The following KCNMA1 variants were observed in gnomAD, a reference collection of about 807,000 sequenced individuals.
The protein encoded by KCNMA1 is potassium calcium-activated channel subfamily M alpha 1.
A neutral mutation model predicts 140.0 loss-of-function variants in KCNMA1; 29 were observed. The ratio of observed to expected loss-of-function variants is 0.21; its 90% CI spans 0.15 to 0.28. KCNMA1 has a LOEUF of 0.28. KCNMA1 is among the 10% of genes least tolerant of loss of function. KCNMA1 has a pLI of 1.00. For synonymous variants in KCNMA1, 612 were observed against 611.9 expected (o/e 1.00, Z 0.00); for missense variants, 880 against 1,602.2 (o/e 0.55, Z 7.70).
intron 23 of KCNMA1, among the ~76,000 whole-genome samples, chr10:76,940,114 CCTG>C (rs2152812396): frequency 6.6e-6 from 1 of 152,306 alleles, no homozygotes; most frequent in South Asian, 2.1e-4. Flanking sequence ...TGCAGTTTTG[CCTG>C]CTGTATATTA....
At chr10:77,112,298 T>TA in intron 7 of KCNMA1, 69 bp downstream of exon 7, 2 of 1,080,086 alleles carry the variant, frequency 1.9e-6, no homozygotes. Context: ...AAATTTTAGG[T>TA]AATAAAATGA....
intron 20 of KCNMA1, among the ~76,000 whole-genome samples, chr10:76,955,200 T>C (rs2067753284): frequency 6.8e-6 from 1 of 146,938 alleles, no homozygotes; most frequent in African/African-American, 2.5e-5. Context: ...CTTTTTTCTT[T>C]TTTTTTTTTT....
intron 1 of KCNMA1, among the ~76,000 whole-genome samples, chr10:77,533,035 G>A (rs2058056398): frequency 6.6e-6 from 1 of 152,162 alleles, no homozygotes; most frequent in Non-Finnish European, 1.5e-5. Flanking sequence ...CCCTGCAATA[G>A]TAGAAGCTCT....
At position 77,126,522 on chromosome 10, in the gene KCNMA1, A is replaced by G. The variant is rs1385221737; in HGVS notation, c.809-5474T>C. Among the ~76,000 whole-genome samples, 3 of 152,228 alleles carry G rather than the reference A, an allele frequency of 2.0e-5. No homozygotes were observed. The East Asian group carries it at 5.8e-4, about 29-fold the overall frequency. On this transcript the variant is annotated intron_variant, in intron 5 of 27. Transcript: ENST00000286628. ...GGTATCATATCCAAGACTGCATTAA[A>G]TGAATAAAAGACATGAGCTATAGCA...
chr10:77,494,535 T>C (rs1294855591), intron 1 of KCNMA1, among the ~76,000 whole-genome samples: 1 of 152,234 alleles, frequency 6.6e-6, no homozygotes, highest in Non-Finnish European at 1.5e-5. Flanking sequence ...CTCACAGAGC[T>C]GTCTGGATTC....
intron 1 of KCNMA1, among the ~76,000 whole-genome samples, chr10:77,496,596 CAAAAAAAAAA>C (rs201304328): frequency 2.7e-4 from 17 of 63,016 alleles, no homozygotes; most frequent in East Asian, 2.2e-3. Context: ...GACACTGTCT[CAAAAAAAAAA>C]AAAAAAAAAA....
At chr10:77,160,265 C>A (rs182562748) in intron 5 of KCNMA1, among the ~76,000 whole-genome samples, 3 of 152,180 alleles carry the variant, frequency 2.0e-5, no homozygotes, top group Non-Finnish European at 4.4e-5. Flanking sequence ...CACTTCCTGG[C>A]TCCCCAAAGA....
intron 17 of KCNMA1, among the ~76,000 whole-genome samples, chr10:77,017,726 T>C (rs2092320969): frequency 6.6e-6 from 1 of 152,186 alleles, no homozygotes; most frequent in Non-Finnish European, 1.5e-5. Flanking sequence ...AGGCTTAACC[T>C]AGGCAAATAA....
intron 1 of KCNMA1, among the ~76,000 whole-genome samples, chr10:77,631,986 T>G (rs1364671968): frequency 6.6e-6 from 1 of 152,186 alleles, no homozygotes; most frequent in Non-Finnish European, 1.5e-5. Context: ...AGACCTCAAT[T>G]TGCAGGTGAG....
intron 3 of KCNMA1, among the ~76,000 whole-genome samples, chr10:77,198,021 T>C (rs2041169838): frequency 6.6e-6 from 1 of 152,188 alleles, no homozygotes; most frequent in African/African-American, 2.4e-5. Flanking sequence ...TGAAATGGCT[T>C]CCCTGGCCAT....
intron 1 of KCNMA1, chr10:77,634,476 G>A (rs1266194691): frequency 1.0e-6 from 1 of 985,280 alleles, no homozygotes; most frequent in African/African-American, 1.7e-5. Context: ...GATCAAAAAG[G>A]TTTGGTGCGA....
At chr10:77,025,140 T>G (rs1463667937) in intron 16 of KCNMA1, among the ~76,000 whole-genome samples, 1 of 150,732 alleles carries the variant, frequency 6.6e-6, no homozygotes, top group Non-Finnish European at 1.5e-5. Context: ...TTAGGTTTCC[T>G]GCAAAGAAGT....
intron 2 of KCNMA1, among the ~76,000 whole-genome samples, chr10:77,388,712 T>C (rs998274507): frequency 6.6e-6 from 1 of 152,226 alleles, no homozygotes; most frequent in Admixed American, 6.5e-5. Context: ...CCAGAGGCTG[T>C]TTCTGAGAGT....
intron 17 of KCNMA1, among the ~76,000 whole-genome samples, chr10:77,015,231 G>T (rs1288473659): frequency 1.3e-5 from 2 of 152,138 alleles, no homozygotes; most frequent in African/African-American, 4.8e-5. Context: ...GTCAGCAGGA[G>T]ACTAGGGTGA....
At chr10:77,069,613 A>G (rs2096110065) in intron 14 of KCNMA1, among the ~76,000 whole-genome samples, 1 of 152,198 alleles carries the variant, frequency 6.6e-6, no homozygotes. Context: ...AAAATATAAA[A>G]AAGATTCCTA....
chr10:77,421,905 T>C (rs2096874411), intron 1 of KCNMA1, among the ~76,000 whole-genome samples: 1 of 152,202 alleles, frequency 6.6e-6, no homozygotes, highest in Admixed American at 6.5e-5. Flanking sequence ...GAGCCATGTT[T>C]CCCAGTGTAA....
At chr10:77,283,393 C>T (rs1037294317) in intron 2 of KCNMA1, among the ~76,000 whole-genome samples, 1 of 152,196 alleles carries the variant, frequency 6.6e-6, no homozygotes, top group Admixed American at 6.5e-5. Flanking sequence ...TTGCAGCTGG[C>T]TGTCCTGCAG....
At chr10:77,313,125 G>T (rs946112400) in intron 2 of KCNMA1, among the ~76,000 whole-genome samples, 2 of 152,132 alleles carry the variant, frequency 1.3e-5, no homozygotes, top group African/African-American at 4.8e-5. Context: ...CTCCGCGTTG[G>T]TCTGTGATGG....
chr10:76,945,817 A>ACC (rs878893104), intron 22 of KCNMA1, among the ~76,000 whole-genome samples: 2 of 151,154 alleles, frequency 1.3e-5, no homozygotes, highest in African/African-American at 4.9e-5. Context: ...AAAAAAAAAA[A>ACC]CCCACAAAAT....
Sources: allele counts gnomAD v4.1 joint callset (sites outside exome capture counted in the v4.1 genomes callset), GRCh38; gene constraint gnomAD v4.1.1; transcripts MANE v1.5; gene names NCBI Gene and HGNC (gene_info 2026-07-23, HGNC 2026-07-21).